FNBP1: variants seen among roughly 807,000 people sequenced by gnomAD.
The protein encoded by FNBP1 is formin binding protein 1.
FNBP1 carries 26 observed loss-of-function variants against 90.6 expected under a neutral mutation model. The observed-to-expected ratio is 0.29, with a 90% CI of 0.21 to 0.40. The LOEUF (loss-of-function observed/expected upper bound fraction) is 0.40. Among genes scored for constraint, FNBP1 ranks in the 10% least tolerant of loss-of-function variants. The probability of loss-of-function intolerance (pLI) is 1.00; values close to 1 mark genes in which losing one functional copy is unlikely to be tolerated. For synonymous variants in FNBP1, 260 were observed against 265.2 expected, an observed-to-expected ratio of 0.98 and a Z score of 0.19; for missense variants, 635 against 768.0, an observed-to-expected ratio of 0.83 and a Z score of 2.05.
At chr9:129,901,231 C>T (rs559995034) in intron 13 of FNBP1, among the ~76,000 whole-genome samples, 1 of 151,922 alleles carries the variant, frequency 6.6e-6, no homozygotes, top group Non-Finnish European at 1.5e-5. Context: ...CATGGTGAAA[C>T]GCTGTCTCTA....
In FNBP1 at chr9:129,985,055, T is replaced by C. The variant is rs1020129662; in HGVS notation, c.141-5681A>G. Among the ~76,000 whole-genome samples, 34 of 152,012 alleles carry C rather than the reference T, an allele frequency of 2.2e-4. 1 individual carries two copies. The highest frequency in any genetic ancestry group is 2.2e-3 in the Admixed American group (33 of 15,246). On this transcript the variant is annotated intron_variant, in intron 2 of 16. Coordinates refer to ENST00000446176, the MANE Select transcript of FNBP1 (RefSeq NM_015033.3). ...ACCTCTAACAAAGTTTCAGAAGAAA[T>C]GACAGAGCTCAGAGTCTCGAAGCCA...
At chr9:130,036,716 G>A (rs1456727447) in intron 1 of FNBP1, among the ~76,000 whole-genome samples, 1 of 152,180 alleles carries the variant, frequency 6.6e-6, no homozygotes, top group Non-Finnish European at 1.5e-5. Flanking sequence ...GTCTTGCCAT[G>A]TTCATCCCAA....
At chr9:129,936,877 A>G (rs74420825) in intron 6 of FNBP1, among the ~76,000 whole-genome samples, 1,919 of 152,270 alleles carry the variant, frequency 0.013, 18 homozygotes, top group Middle Eastern at 0.024. Context: ...ATGGTTAGGA[A>G]TAAAACTAAT....
intron 2 of FNBP1, among the ~76,000 whole-genome samples, chr9:129,992,714 T>G (rs1258224428): frequency 6.6e-6 from 1 of 150,896 alleles, no homozygotes; most frequent in African/African-American, 2.4e-5. Context: ...CCACCATGCC[T>G]GGCTCATTTT....
intron 11 of FNBP1, among the ~76,000 whole-genome samples, chr9:129,913,003 T>G (rs1434100536): frequency 6.6e-6 from 1 of 152,114 alleles, no homozygotes; most frequent in African/African-American, 2.4e-5. Flanking sequence ...GCGGATCACC[T>G]GAGGTCAGTT....
intron 1 of FNBP1, among the ~76,000 whole-genome samples, chr9:130,040,686 T>C (rs2059746901): frequency 1.3e-5 from 2 of 151,908 alleles, no homozygotes; most frequent in Non-Finnish European, 2.9e-5. Flanking sequence ...CTTGCATATA[T>C]AGAACTGTTA....
chr9:129,943,678 C>T (rs529372511), intron 6 of FNBP1, among the ~76,000 whole-genome samples: 179 of 152,228 alleles, frequency 1.2e-3, no homozygotes, highest in South Asian at 2.5e-3. Context: ...TGAGCCACTG[C>T]GCCCGGCCTA....
chr9:130,042,681 C>T lies in FNBP1; in HGVS notation c.24+271G>A, dbSNP rs1248081621. ...ACACACACGGCCCGCTCCGGGGCGC[C>T]GGGGACAGGGAGGCCCGCCCGCGCC... is the stretch of plus-strand genomic sequence containing the variant. On this transcript the variant is annotated intron_variant, in intron 1 of 16. Transcript: ENST00000446176. The surrounding 1 kb of genome is among the most constrained non-coding windows in gnomAD (Gnocchi z 5.5). 6.6e-6 allele frequency among the ~76,000 whole-genome samples: 1 copy of T among 151,808 alleles called. No individual in the cohort carries two copies. The highest frequency in any genetic ancestry group is 1.5e-5 in the Non-Finnish European group (1 of 67,834).
At position 129,888,295 on chromosome 9, in the gene FNBP1, C is replaced by T. The variant is rs577342337; in HGVS notation, c.*2244G>A. ...GGCTCTAAAATCCCATTTTAAAGAA[C>T]CGTTTCACATCCTCGTGGAGTGGAG... On this transcript the variant is annotated 3_prime_UTR_variant, in exon 17 of 17. Transcript: ENST00000446176. 1 of 232,550 alleles carries T rather than the reference C, an allele frequency of 4.3e-6. No homozygotes were observed. Among genetic ancestry groups the T allele is most frequent in the Admixed American group, 5.6e-5 (1 of 17,774 alleles). The allele number at this position is 232,550 out of a possible 1,614,324, so 14.4% of individuals were successfully genotyped here. A position where few individuals can be genotyped will look rare whatever the true frequency, so the allele number is the denominator to read the frequency against.
chr9:129,906,504 T>C (rs1436455903), intron 12 of FNBP1, among the ~76,000 whole-genome samples: 1 of 152,166 alleles, frequency 6.6e-6, no homozygotes, highest in East Asian at 1.9e-4. Flanking sequence ...AATGGTTTTA[T>C]AAAGGGCAGT....
At chr9:130,026,845 A>T (rs1184143672) in intron 1 of FNBP1, among the ~76,000 whole-genome samples, 1 of 151,904 alleles carries the variant, frequency 6.6e-6, no homozygotes, top group Non-Finnish European at 1.5e-5. Context: ...CACACCTGTT[A>T]GTCCTAGCTA....
intron 1 of FNBP1, among the ~76,000 whole-genome samples, chr9:130,016,857 TA>T (rs2057292548): frequency 6.6e-6 from 1 of 152,240 alleles, no homozygotes; most frequent in Non-Finnish European, 1.5e-5. Flanking sequence ...ATACGTAGTT[TA>T]TTATGTTGGG....
chr9:130,042,874 G>A lies in FNBP1; in HGVS notation c.24+78C>T. Reference sequence around the variant, plus strand: ...GCCCTCGCCTCCGCCCAGCAGCGCGGCCCGCGCCCCCTCCCCAGGCCGCGG... The same window carrying A: ...GCCCTCGCCTCCGCCCAGCAGCGCGACCCGCGCCCCCTCCCCAGGCCGCGG... On this transcript the variant is annotated intron_variant, in intron 1 of 16. Coordinates refer to ENST00000446176, the MANE Select transcript of FNBP1 (RefSeq NM_015033.3). The surrounding 1 kb of genome is among the most constrained non-coding windows in gnomAD (Gnocchi z 5.5). The A allele has an allele frequency of 9.6e-7, 1 of 1,043,048 alleles. No homozygotes were observed. The highest frequency in any genetic ancestry group is 1.2e-6 in the Non-Finnish European group (1 of 817,460). 64.6% of individuals were successfully genotyped at this position (1,043,048 alleles called of 1,614,324 possible). A position where few individuals can be genotyped will look rare whatever the true frequency, so the allele number is the denominator to read the frequency against.
intron 1 of FNBP1, among the ~76,000 whole-genome samples, chr9:130,025,766 A>G (rs552755380): frequency 6.6e-6 from 1 of 152,280 alleles, no homozygotes; most frequent in East Asian, 1.9e-4. Flanking sequence ...TCTACTAAAA[A>G]TACAAAAATT....
At chr9:129,931,516 G>C (rs2042736770) in intron 6 of FNBP1, among the ~76,000 whole-genome samples, 2 of 152,110 alleles carry the variant, frequency 1.3e-5, no homozygotes, top group Admixed American at 1.3e-4. Context: ...TGAGGCACGA[G>C]AATGGCGTGA....
chr9:129,955,862 C>CACACAT (rs1554813885), intron 6 of FNBP1, among the ~76,000 whole-genome samples: 2 of 151,272 alleles, frequency 1.3e-5, no homozygotes, highest in South Asian at 2.1e-4. Flanking sequence ...CACACACACA[C>CACACAT]ATATATGAAT....
rs138381480 is a variant in FNBP1, at chr9:129,889,556, C to A, written c.*983G>T. The stretch of plus-strand genomic sequence containing the variant: ...CTGCACTCCAGTCTGAACAATAGAG[C>A]GAGACTCCCGTCTCAAAAAAAAAAA... On this transcript the variant is annotated 3_prime_UTR_variant, in exon 17 of 17. Coordinates refer to ENST00000446176, the MANE Select transcript of FNBP1 (RefSeq NM_015033.3). 5.1e-5 allele frequency: 10 copies of A among 195,032 alleles called. No individual in the cohort carries two copies. The highest frequency in any genetic ancestry group is 1.0e-5 in the Non-Finnish European group (1 of 97,766). 12.1% of individuals were successfully genotyped at this position (195,032 alleles called of 1,614,324 possible).
intron 11 of FNBP1, among the ~76,000 whole-genome samples, chr9:129,912,237 A>G (rs1181327400): frequency 6.6e-6 from 1 of 152,144 alleles, no homozygotes; most frequent in East Asian, 1.9e-4. Context: ...AAGCCTCCAC[A>G]TATTTGGTCA....
Position 129,943,447 on chromosome 9 carries a change from C to T in FNBP1, c.514-13752G>A, listed in dbSNP as rs571250176. On this transcript the variant is annotated intron_variant, in intron 6 of 16. Coordinates refer to ENST00000446176, the MANE Select transcript of FNBP1 (RefSeq NM_015033.3). ...TGTTGCCCAGGCTGGAGTGCAGTGG[C>T]GTGATCTTGGCTCACTGCAACCTTT... 2.7e-4 allele frequency among the ~76,000 whole-genome samples: 36 copies of T among 133,744 alleles called. 1 individual carries two copies. The highest frequency in any genetic ancestry group is 1.4e-3 in the South Asian group (6 of 4,182). The allele number at this position is 133,744 out of a possible 152,430, so 87.7% of individuals were successfully genotyped here.
Sources: allele counts gnomAD v4.1 joint callset (sites outside exome capture counted in the v4.1 genomes callset), GRCh38; gene constraint gnomAD v4.1.1; non-coding constraint Gnocchi (gnomAD v3.1); transcripts MANE v1.5; gene names NCBI Gene and HGNC (gene_info 2026-07-23, HGNC 2026-07-21).